Variants in DOCK9 observed in about 807,000 individuals in gnomAD.
DOCK9 encodes the protein dedicator of cytokinesis protein 9.
DOCK9 carries 89 observed loss-of-function variants against 263.3 expected under a neutral mutation model. The ratio of observed to expected loss-of-function variants is 0.34; its 90% CI spans 0.28 to 0.40. The LOEUF (loss-of-function observed/expected upper bound fraction) is 0.40, where lower values mean the gene tolerates loss of function less well. Among genes scored for constraint, DOCK9 ranks in the 10% least tolerant of loss-of-function variants. The probability of loss-of-function intolerance (pLI) is 1.00; values close to 1 mark genes in which losing one functional copy is unlikely to be tolerated. For synonymous variants in DOCK9, 976 were observed against 973.1 expected, an observed-to-expected ratio of 1.00 and a Z score of -0.06; for missense variants, 2,140 against 2,603.4, an observed-to-expected ratio of 0.82 and a Z score of 3.87.
intron 1 of DOCK9, among the ~76,000 whole-genome samples, chr13:99,083,989 G>A (rs944958205): frequency 1.3e-5 from 2 of 152,228 alleles, no homozygotes; most frequent in African/African-American, 4.8e-5. Context: ...CAAGTTATCA[G>A]ACACAGAGTA....
chr13:98,898,696 G>A (rs1696533997), intron 13 of DOCK9, among the ~76,000 whole-genome samples: 2 of 152,124 alleles, frequency 1.3e-5, no homozygotes, highest in African/African-American at 2.4e-5. Flanking sequence ...AGCTCCTAAA[G>A]CGCACTAGCT....
chr13:98,834,822 T>C (rs1442365183), intron 39 of DOCK9, among the ~76,000 whole-genome samples: 1 of 152,232 alleles, frequency 6.6e-6, no homozygotes, highest in African/African-American at 2.4e-5. Flanking sequence ...TCTGTCTGTA[T>C]AAGAGATCAT....
At chr13:98,842,880 G>A (rs1430581865) in intron 38 of DOCK9, among the ~76,000 whole-genome samples, 2 of 152,206 alleles carry the variant, frequency 1.3e-5, no homozygotes, top group Non-Finnish European at 2.9e-5. Context: ...AAATAGCTAA[G>A]ACTACTTGGC....
chr13:99,056,003 C>A (rs1276852514), intron 1 of DOCK9, among the ~76,000 whole-genome samples: 2 of 152,138 alleles, frequency 1.3e-5, no homozygotes, highest in Non-Finnish European at 2.9e-5. Flanking sequence ...ATGGTAACAA[C>A]AAAAGTGCCT....
At chr13:99,032,521 T>A (rs1243986619) in intron 1 of DOCK9, among the ~76,000 whole-genome samples, 1 of 150,620 alleles carries the variant, frequency 6.6e-6, no homozygotes. Context: ...TTCATTCAAA[T>A]ATACGCACCC....
At chr13:98,939,627 C>T (rs73564804) in intron 2 of DOCK9, among the ~76,000 whole-genome samples, 1 of 152,180 alleles carries the variant, frequency 6.6e-6, no homozygotes, top group South Asian at 2.1e-4. Context: ...AGGAGACGGA[C>T]GGACCTGGAT....
Position 98,903,110 on chromosome 13 carries a change from C to A in DOCK9, c.1038G>T (p.Lys346Asn). The change falls in exon 11 of 53, where the codon AAG (lysine) becomes AAT (asparagine). Residue 346 changes from lysine to asparagine, a missense_variant and splice_region_variant. This residue lies in a region of DOCK9 where 1,521 missense variants were observed against 1,741.7 expected (regional missense o/e 0.87). Coordinates refer to ENST00000682017, the MANE Select transcript of DOCK9 (RefSeq NM_001366683.2). ...KLFYLDPDAQKLDFSSAEPEV... is the reference protein window; with the variant it reads ...KLFYLDPDAQNLDFSSAEPEV... ...CTGGCTCAGCTGATGAGAAGTCAAG[C>A]TTCTTTAAAAGAAAATGTAAACATA... is the stretch of plus-strand genomic sequence containing the variant. 6.7e-7 allele frequency: 1 copy of A among 1,500,748 alleles called. No individual in the cohort carries two copies. The highest frequency in any genetic ancestry group is 8.8e-7 in the Non-Finnish European group (1 of 1,131,554). The allele number at this position is 1,500,748 out of a possible 1,614,324, so 93.0% of individuals were successfully genotyped here. A position where few individuals can be genotyped will look rare whatever the true frequency, so the allele number is the denominator to read the frequency against.
chr13:98,796,148 AG>A (rs1467401570), intron 52 of DOCK9: 1 of 1,381,316 alleles, frequency 7.2e-7, no homozygotes, highest in Non-Finnish European at 1.0e-6. Context: ...AACTCAAAAA[AG>A]TAATAGCTTT....
At chr13:99,071,306 C>CCTTTTTTTT (rs1286343497) in intron 1 of DOCK9, among the ~76,000 whole-genome samples, 5 of 49,320 alleles carry the variant, frequency 1.0e-4, no homozygotes, top group Admixed American at 8.3e-4. Context: ...CCATGCCTGG[C>CCTTTTTTTT]TTTTTTTTTT....
Position 98,805,099 on chromosome 13 carries a change from G to A in DOCK9, c.5625C>T (p.Ser1875=), listed in dbSNP as rs148335345. The A allele has an allele frequency of 8.7e-6, 14 of 1,611,608 alleles. No homozygotes were observed. In the African/African-American group the frequency reaches 1.5e-4, roughly 17 times the overall value. ...LQERKTEFER[S]HNIRRFMFEM... ...CAAACATGAAGCGGCGGATGTTGTG[G>A]GATCTCTCAAACTCTGTTTTCCTTT... The change falls in exon 49 of 53, where the codon TCC becomes TCT. Residue 1875 remains serine (S), a synonymous_variant. Coordinates refer to ENST00000682017, the MANE Select transcript of DOCK9 (RefSeq NM_001366683.2).
chr13:99,015,009 C>G (rs568802804), intron 1 of DOCK9, among the ~76,000 whole-genome samples: 137 of 152,296 alleles, frequency 9.0e-4, no homozygotes, highest in African/African-American at 3.1e-3. Flanking sequence ...ATTTCTCCCC[C>G]CCGCATCAAG....
rs1411902142 is a variant in DOCK9, at chr13:98,829,822, C to A, written c.4636-66G>T. On this transcript the variant is annotated intron_variant, in intron 41 of 52. Transcript: ENST00000682017. The surrounding 1 kb of genome is among the most constrained non-coding windows in gnomAD (Gnocchi z 4.1). ...AATGACTGCCCAGGCTGGGCTTCTGCGTTCAGTTAGGATGTGCCTAAGGAC... is the reference window on the plus strand; with the variant it reads ...AATGACTGCCCAGGCTGGGCTTCTGAGTTCAGTTAGGATGTGCCTAAGGAC... 5 of 1,418,994 alleles carry A rather than the reference C, an allele frequency of 3.5e-6. No individual in the cohort carries two copies. Among genetic ancestry groups the A allele is most frequent in the Admixed American group, 2.0e-5 (1 of 50,932 alleles). The allele number at this position is 1,418,994 out of a possible 1,614,324, so 87.9% of individuals were successfully genotyped here.
intron 1 of DOCK9, 129 bp downstream of exon 1, chr13:98,977,655 A>C: frequency 1.4e-6 from 1 of 702,780 alleles, no homozygotes; most frequent in Non-Finnish European, 2.3e-6. Context: ...GAAAGAGTGG[A>C]GTTCACAAGG....
In DOCK9 at chr13:98,825,299, G is replaced by A. The variant is rs549271092; in HGVS notation, c.5024-795C>T. 3.3e-5 allele frequency among the ~76,000 whole-genome samples: 5 copies of A among 152,350 alleles called. No homozygotes were observed. Among genetic ancestry groups the A allele is most frequent in the Admixed American group, 6.5e-5 (1 of 15,310 alleles). The stretch of plus-strand genomic sequence containing the variant: ...GATCAAGTGAAGAAGGGCATGAGAT[G>A]TTCCACTACTCTATTTTGAGATAAC... On this transcript the variant is annotated intron_variant, in intron 44 of 52. Transcript: ENST00000682017. The surrounding 1 kb of genome is among the most constrained non-coding windows in gnomAD (Gnocchi z 4.1).
chr13:98,863,226 T>C (rs1423061906), intron 31 of DOCK9, 94 bp from the exon 32 acceptor site: 37 of 1,481,040 alleles, frequency 2.5e-5, no homozygotes, highest in African/African-American at 2.8e-5. Context: ...ATCCTTCCTA[T>C]AAAGACAGAT....
At position 98,829,824 on chromosome 13, in the gene DOCK9, T is replaced by C; in HGVS notation, c.4636-68A>G. 7.1e-7 allele frequency: 1 copy of C among 1,407,294 alleles called. No homozygotes were observed. Among genetic ancestry groups the C allele is most frequent in the African/African-American group, 1.4e-5 (1 of 70,332 alleles). The allele number at this position is 1,407,294 out of a possible 1,614,324, so 87.2% of individuals were successfully genotyped here. A position where few individuals can be genotyped will look rare whatever the true frequency, so the allele number is the denominator to read the frequency against. Reference sequence around the variant, plus strand: ...TGACTGCCCAGGCTGGGCTTCTGCGTTCAGTTAGGATGTGCCTAAGGACCC... The same window carrying C: ...TGACTGCCCAGGCTGGGCTTCTGCGCTCAGTTAGGATGTGCCTAAGGACCC... On this transcript the variant is annotated intron_variant, in intron 41 of 52. Coordinates refer to ENST00000682017, the MANE Select transcript of DOCK9 (RefSeq NM_001366683.2). This position sits in a 1 kb window ranked among gnomAD's most constrained non-coding sequence, Gnocchi z 4.1.
At chr13:99,067,351 C>A (rs1377799909) in intron 1 of DOCK9, among the ~76,000 whole-genome samples, 1 of 152,228 alleles carries the variant, frequency 6.6e-6, no homozygotes, top group African/African-American at 2.4e-5. Flanking sequence ...ACATCATCAT[C>A]AAGAACTCAA....
chr13:98,955,454 A>C lies in DOCK9; in HGVS notation c.224T>G (p.Phe75Cys), dbSNP rs1385209408. 1 of 1,591,496 alleles carries C rather than the reference A, an allele frequency of 6.3e-7. No homozygotes were observed. The highest frequency in any genetic ancestry group is 1.7e-5 in the Admixed American group (1 of 57,368). ...LNDCLREMLL[F>C]PYDDFQTAIL... is the part of the protein sequence containing the mutation. ...ACTTACCTGAAAGTCATCGTAAGGG[A>C]AGAGCAGCATCTCCCGTAAACAGTC... Residue 75 changes from phenylalanine to cysteine, a missense_variant, in exon 2 of 53, where the codon TTC (phenylalanine) becomes TGC (cysteine). Phe to Cys is a radical substitution (Grantham distance 205, BLOSUM62 -2). Transcript: ENST00000682017.
intron 1 of DOCK9, among the ~76,000 whole-genome samples, chr13:98,998,477 T>A (rs1881558199): frequency 6.6e-6 from 1 of 152,302 alleles, no homozygotes; most frequent in Admixed American, 6.5e-5. Context: ...TTGGTTTCCA[T>A]CTGAATGATC....
Sources: allele counts gnomAD v4.1 joint callset (sites outside exome capture counted in the v4.1 genomes callset), GRCh38; gene constraint gnomAD v4.1.1; regional missense constraint gnomAD v4.1.1; non-coding constraint Gnocchi (gnomAD v3.1); transcripts MANE v1.5; gene names NCBI Gene and HGNC (gene_info 2026-07-23, HGNC 2026-07-21).